The following TMCC2 variants were observed in gnomAD, a reference collection of about 807,000 sequenced individuals.
TMCC2 encodes transmembrane and coiled-coil domains protein 2.
Under a neutral mutation model 49.4 loss-of-function variants are expected in TMCC2, and 16 were observed. That is an observed-to-expected ratio of 0.32 (90% CI 0.22 to 0.49). The LOEUF is 0.49. TMCC2 is among the 20% of genes least tolerant of loss of function. TMCC2 has a pLI of 0.99. For missense variants in TMCC2, 762 were observed against 989.8 expected (o/e 0.77, Z 3.09); for synonymous variants, 397 against 434.1 (o/e 0.91, Z 1.06).
chr1:205,247,490 G>A (rs765691177), intron 2 of TMCC2, among the ~76,000 whole-genome samples: 1 of 152,170 alleles, frequency 6.6e-6, no homozygotes, highest in African/African-American at 2.4e-5. Flanking sequence ...AGGAATGGGC[G>A]TGGCCCTGGG....
At chr1:205,232,801 G>A (rs1254353627) in intron 1 of TMCC2, among the ~76,000 whole-genome samples, 1 of 151,822 alleles carries the variant, frequency 6.6e-6, no homozygotes, top group African/African-American at 2.4e-5. Context: ...CAAGTGCAGT[G>A]GCACACACCT....
chr1:205,256,251 G>T, intron 2 of TMCC2: 1 of 1,526,960 alleles, frequency 6.5e-7, no homozygotes. Flanking sequence ...GCTGTGAGAA[G>T]CTGCCATTAG....
At chr1:205,262,305 T>C (rs1661150324) in intron 2 of TMCC2, among the ~76,000 whole-genome samples, 1 of 152,154 alleles carries the variant, frequency 6.6e-6, no homozygotes, top group Non-Finnish European at 1.5e-5. Flanking sequence ...GCTGCAGGAC[T>C]CCCAGGCTGG....
chr1:205,268,885 C>T (rs999566163), intron 2 of TMCC2, 65 bp from the exon 3 acceptor site: 2 of 1,500,664 alleles, frequency 1.3e-6, no homozygotes, highest in Admixed American at 1.8e-5. Flanking sequence ...AGTCCAGAGG[C>T]ATCCAGGGGC....
intron 2 of TMCC2, among the ~76,000 whole-genome samples, chr1:205,245,475 G>A (rs760939683): frequency 5.9e-5 from 9 of 152,200 alleles, no homozygotes; most frequent in Non-Finnish European, 1.0e-4. Context: ...ATTTTCCAGC[G>A]TCAGAGTTCC....
intron 3 of TMCC2, among the ~76,000 whole-genome samples, chr1:205,270,903 G>A (rs1010337298): frequency 6.6e-6 from 1 of 152,222 alleles, no homozygotes; most frequent in Non-Finnish European, 1.5e-5. Context: ...ATCCTATGAG[G>A]TCATGTAGGT....
At chr1:205,247,788 TCAC>T (rs1660508919) in intron 2 of TMCC2, among the ~76,000 whole-genome samples, 1 of 149,822 alleles carries the variant, frequency 6.7e-6, no homozygotes, top group African/African-American at 2.5e-5. Flanking sequence ...TGTTTAGAAC[TCAC>T]CAGCTGGCTT....
intron 2 of TMCC2, among the ~76,000 whole-genome samples, chr1:205,265,478 CT>C (rs1380274778): frequency 1.3e-5 from 2 of 152,214 alleles, no homozygotes; most frequent in Non-Finnish European, 2.9e-5. Context: ...CACTCTCCCC[CT>C]AAGTAGTTGG....
chr1:205,241,909 C>T lies in TMCC2; in HGVS notation c.612C>T (p.Asp204=). The T allele has an allele frequency of 6.2e-7, 1 of 1,610,020 alleles. No homozygotes were observed. Among genetic ancestry groups the T allele is most frequent in the Non-Finnish European group, 8.5e-7 (1 of 1,179,384 alleles). Residue 204 remains aspartate, a synonymous_variant, in exon 2 of 5, where the codon GAC becomes GAT. Coordinates refer to ENST00000358024, the MANE Select transcript of TMCC2 (RefSeq NM_014858.4). The surrounding 1 kb of genome is among the most constrained non-coding windows in gnomAD (Gnocchi z 7.3). ...SPHLLRKAPQ[D]SSLAAILHQH... ...ACCTGCTGCGCAAGGCCCCCCAGGA[C>T]AGCAGCCTGGCCGCCATCCTGCACC... is the stretch of plus-strand genomic sequence containing the variant.
chr1:205,246,424 G>T, intron 2 of TMCC2: 1 of 1,248,374 alleles, frequency 8.0e-7, no homozygotes, highest in Non-Finnish European at 1.0e-6. Context: ...CTGGAGTTCT[G>T]GGGAGAGATC....
chr1:205,272,388 T>C lies in TMCC2; in HGVS notation c.*264T>C. The C allele has an allele frequency of 3.4e-6, 2 of 584,552 alleles. No individual in the cohort carries two copies. The highest frequency in any genetic ancestry group is 3.1e-5 in the East Asian group (1 of 32,396). 36.2% of individuals were successfully genotyped at this position (584,552 alleles called of 1,614,324 possible). On this transcript the variant is annotated 3_prime_UTR_variant, in exon 5 of 5. Transcript: ENST00000358024. ...CAGAGGTGGACATGGGGTTGGATTG[T>C]TTTGATTATTTATAGTTACACAAGG...
chr1:205,243,315 C>T (rs573133183), intron 2 of TMCC2, among the ~76,000 whole-genome samples: 54 of 152,056 alleles, frequency 3.6e-4, no homozygotes, highest in South Asian at 2.7e-3. Context: ...ACCTGGGAGG[C>T]GGAGGTTGTA....
At chr1:205,248,528 T>C (rs1197477114) in intron 2 of TMCC2, among the ~76,000 whole-genome samples, 1 of 152,224 alleles carries the variant, frequency 6.6e-6, no homozygotes, top group Non-Finnish European at 1.5e-5. Context: ...TTGTCATCAA[T>C]TGTGGGTGCA....
intron 1 of TMCC2, among the ~76,000 whole-genome samples, chr1:205,230,997 T>TCCCCCC (rs57350842): frequency 7.1e-5 from 3 of 42,270 alleles, no homozygotes; most frequent in Non-Finnish European, 1.5e-4. Context: ...CATCCCCCCA[T>TCCCCCC]CCCCCCCCCC....
At chr1:205,257,060 A>C in intron 2 of TMCC2, 1 of 738,816 alleles carries the variant, frequency 1.4e-6, no homozygotes. Flanking sequence ...GTGGAGGGGC[A>C]TCTCATCAGA....
chr1:205,247,294 A>G (rs571941447), intron 2 of TMCC2, among the ~76,000 whole-genome samples: 1 of 152,206 alleles, frequency 6.6e-6, no homozygotes, highest in Admixed American at 6.5e-5. Flanking sequence ...CTTGGCAGGG[A>G]GACAAGGGAT....
chr1:205,265,905 A>G (rs1335182660), intron 2 of TMCC2, among the ~76,000 whole-genome samples: 1 of 151,662 alleles, frequency 6.6e-6, no homozygotes, highest in Admixed American at 6.6e-5. Flanking sequence ...AGACAGTGAA[A>G]GAGAGCTGGG....
At chr1:205,247,379 A>G (rs887777446) in intron 2 of TMCC2, among the ~76,000 whole-genome samples, 3 of 152,170 alleles carry the variant, frequency 2.0e-5, no homozygotes, top group Non-Finnish European at 4.4e-5. Context: ...TGCAAAGTCT[A>G]TGGAGAGCAG....
intron 1 of TMCC2, chr1:205,229,923 C>T (rs925634112): frequency 6.1e-6 from 6 of 985,356 alleles, no homozygotes; most frequent in Non-Finnish European, 6.0e-6. Context: ...GCTTCTCAAG[C>T]CAGCTCACCG....
Sources: allele counts gnomAD v4.1 joint callset (sites outside exome capture counted in the v4.1 genomes callset), GRCh38; gene constraint gnomAD v4.1.1; non-coding constraint Gnocchi (gnomAD v3.1); transcripts MANE v1.5; gene names NCBI Gene and HGNC (gene_info 2026-07-23, HGNC 2026-07-21).